CCDC73: variants seen among roughly 807,000 people sequenced by gnomAD.
The protein encoded by CCDC73 is coiled-coil domain containing 73.
A neutral mutation model predicts 116.5 loss-of-function variants in CCDC73; 95 were observed. That is an observed-to-expected ratio of 0.82 (90% CI 0.69 to 0.97). CCDC73 has a LOEUF of 0.97. Among genes scored for constraint, CCDC73 ranks in the 50% least tolerant of loss-of-function variants. The pLI is 0.00. For missense variants in CCDC73, 1,066 were observed against 1,206.8 expected, an observed-to-expected ratio of 0.88 and a Z score of 1.73; for synonymous variants, 398 against 401.3, an observed-to-expected ratio of 0.99 and a Z score of 0.10.
the CCDC73 span, among the ~76,000 whole-genome samples, chr11:32,824,684 G>T: frequency 1.3e-5 from 2 of 152,180 alleles, no homozygotes; most frequent in Non-Finnish European, 2.9e-5. Context: ...GGGACTGTCA[G>T]GATTGAAGTG....
At chr11:32,656,119 C>T (rs960887196) in intron 9 of CCDC73, among the ~76,000 whole-genome samples, 1 of 151,726 alleles carries the variant, frequency 6.6e-6, no homozygotes, top group Non-Finnish European at 1.5e-5. Context: ...GCTCTGTCGC[C>T]CAGACTGGAG....
At chr11:32,765,869 A>G (rs1316207178) in intron 1 of CCDC73, among the ~76,000 whole-genome samples, 2 of 152,244 alleles carry the variant, frequency 1.3e-5, no homozygotes, top group African/African-American at 4.8e-5. Context: ...GCCGAATTCT[A>G]CCAGAGGTAC....
At chr11:32,624,408 C>A (rs1855550599) in intron 14 of CCDC73, among the ~76,000 whole-genome samples, 1 of 152,114 alleles carries the variant, frequency 6.6e-6, no homozygotes, top group African/African-American at 2.4e-5. Flanking sequence ...AATACCATTT[C>A]TTGAAGTTTA....
At chr11:32,746,871 T>C (rs1266583664) in intron 2 of CCDC73, among the ~76,000 whole-genome samples, 1 of 152,182 alleles carries the variant, frequency 6.6e-6, no homozygotes, top group Non-Finnish European at 1.5e-5. Flanking sequence ...GGTCAGAACA[T>C]GCTCCTTTAG....
intron 2 of CCDC73, among the ~76,000 whole-genome samples, chr11:32,747,562 T>G (rs1186149854): frequency 1.3e-5 from 2 of 152,250 alleles, no homozygotes; most frequent in Non-Finnish European, 2.9e-5. Flanking sequence ...GCAGTAGGCC[T>G]TGCTGAGCTG....
intron 9 of CCDC73, among the ~76,000 whole-genome samples, chr11:32,672,389 T>C (rs1433434571): frequency 6.6e-6 from 1 of 152,164 alleles, no homozygotes; most frequent in Non-Finnish European, 1.5e-5. Context: ...GAAACATCTG[T>C]TTTCATTTAA....
chr11:32,696,858 A>ATT (rs562273835), intron 6 of CCDC73, among the ~76,000 whole-genome samples: 7 of 141,148 alleles, frequency 5.0e-5, no homozygotes, highest in Non-Finnish European at 7.8e-5. Flanking sequence ...AAACACAAGG[A>ATT]TTTTTTTTTT....
intron 1 of CCDC73, among the ~76,000 whole-genome samples, chr11:32,784,614 T>A (rs542652577): frequency 3.7e-4 from 56 of 152,264 alleles, no homozygotes; most frequent in Admixed American, 1.0e-3. Flanking sequence ...AACATACTAT[T>A]TAAAGATATG....
At chr11:32,613,359 C>A in intron 16 of CCDC73, 63 bp downstream of exon 16, 1 of 1,323,012 alleles carries the variant, frequency 7.6e-7, no homozygotes, top group Non-Finnish European at 1.0e-6. Flanking sequence ...TATGACTGTA[C>A]ACATTTATCA....
intron 1 of CCDC73, among the ~76,000 whole-genome samples, chr11:32,791,049 GAACTT>G (rs1299307369): frequency 2.0e-5 from 3 of 152,066 alleles, no homozygotes; most frequent in African/African-American, 7.2e-5. Flanking sequence ...ACTGCTCATT[GAACTT>G]AACTGAAAAT....
chr11:32,672,760 T>C (rs1188531687), intron 9 of CCDC73, among the ~76,000 whole-genome samples: 71 of 152,276 alleles, frequency 4.7e-4, no homozygotes, highest in Non-Finnish European at 8.8e-5. Context: ...TAAAAAGAAA[T>C]GTTTTCTACA....
At chr11:32,607,250 G>A (rs1169649605) in intron 17 of CCDC73, among the ~76,000 whole-genome samples, 3 of 149,150 alleles carry the variant, frequency 2.0e-5, no homozygotes, top group African/African-American at 7.4e-5. Context: ...CCGCCACTAC[G>A]CCCGGCTAAT....
chr11:32,755,655 C>A (rs1395775590), intron 2 of CCDC73, among the ~76,000 whole-genome samples: 3 of 71,428 alleles, frequency 4.2e-5, no homozygotes, highest in Non-Finnish European at 5.2e-5. Flanking sequence ...ATATATATAT[C>A]TCCATATATA....
intron 9 of CCDC73, among the ~76,000 whole-genome samples, chr11:32,661,533 G>C (rs903799267): frequency 1.4e-5 from 2 of 147,388 alleles, no homozygotes; most frequent in Non-Finnish European, 3.0e-5. Flanking sequence ...TCCCACCTGA[G>C]AGTGAGAACA....
At chr11:32,734,582 T>C (rs1480224449) in intron 2 of CCDC73, among the ~76,000 whole-genome samples, 1 of 152,114 alleles carries the variant, frequency 6.6e-6, no homozygotes, top group Non-Finnish European at 1.5e-5. Flanking sequence ...CCTTCCGCAG[T>C]GTTTGTGTCC....
chr11:32,697,998 T>G (rs995077141), intron 6 of CCDC73, among the ~76,000 whole-genome samples: 1 of 150,134 alleles, frequency 6.7e-6, no homozygotes, highest in Non-Finnish European at 1.5e-5. Flanking sequence ...GTTGTTTCTT[T>G]GTCTAACACT....
At chr11:32,756,882 A>G (rs1850348821) in intron 2 of CCDC73, among the ~76,000 whole-genome samples, 2 of 152,130 alleles carry the variant, frequency 1.3e-5, no homozygotes, top group African/African-American at 2.4e-5. Flanking sequence ...TGCAATAAAG[A>G]TTTGGGAGGG....
At chr11:32,702,407 T>C (rs1331929460) in intron 4 of CCDC73, among the ~76,000 whole-genome samples, 1 of 152,190 alleles carries the variant, frequency 6.6e-6, no homozygotes, top group Non-Finnish European at 1.5e-5. Context: ...TTACTGATGA[T>C]TGATATTTAT....
At chr11:32,741,329 T>C (rs1351133377) in intron 2 of CCDC73, among the ~76,000 whole-genome samples, 2 of 152,170 alleles carry the variant, frequency 1.3e-5, no homozygotes, top group Non-Finnish European at 2.9e-5. Context: ...CTAGTAACAT[T>C]TGTTTTAAAC....
Sources: gnomAD v4.1 joint callset for allele counts (sites outside exome capture counted in the v4.1 genomes callset) on GRCh38, gnomAD v4.1.1 for gene constraint, MANE v1.5 for transcripts, NCBI Gene and HGNC (gene_info 2026-07-23, HGNC 2026-07-21) for gene names.